Variants in AGAP1 observed in about 807,000 individuals in gnomAD.
AGAP1 encodes the protein ArfGAP with GTPase domain, ankyrin repeat and PH domain 1.
AGAP1 carries 29 observed loss-of-function variants against 105.3 expected under a neutral mutation model. The observed-to-expected ratio is 0.28, with a 90% confidence interval of 0.21 to 0.38. The LOEUF is 0.38. AGAP1 is among the 10% of genes least tolerant of loss of function. The pLI is 1.00. For missense variants in AGAP1, 998 were observed against 1,165.1 expected, an observed-to-expected ratio of 0.86 and a Z score of 2.09; for synonymous variants, 509 against 485.9, an observed-to-expected ratio of 1.05 and a Z score of -0.63.
intron 1 of AGAP1, among the ~76,000 whole-genome samples, chr2:235,643,184 G>A (rs920357904): frequency 3.9e-5 from 6 of 152,030 alleles, no homozygotes; most frequent in African/African-American, 1.4e-4. Flanking sequence ...TGTAATACCA[G>A]CACTTTGGGA....
Position 235,609,299 on chromosome 2 carries a change from G to A in AGAP1, c.164-99880G>A, listed in dbSNP as rs1165321144. On this transcript the variant is annotated intron_variant, in intron 1 of 17. Transcript: ENST00000304032. The surrounding 1 kb of genome is among the most constrained non-coding windows in gnomAD (Gnocchi z 5.1). ...ACTGGTGCTTGGAAGAGAACACAATGAAATTGAGTCCCTAGCAGGAGAAGT... is the reference window on the plus strand; with the variant it reads ...ACTGGTGCTTGGAAGAGAACACAATAAAATTGAGTCCCTAGCAGGAGAAGT... Among the ~76,000 whole-genome samples the A allele has an allele frequency of 6.6e-6, 1 of 152,140 alleles. No individual in the cohort carries two copies. The highest frequency in any genetic ancestry group is 2.1e-4 in the South Asian group (1 of 4,828).
At chr2:235,515,454 G>A (rs1229847897) in intron 1 of AGAP1, among the ~76,000 whole-genome samples, 1 of 152,152 alleles carries the variant, frequency 6.6e-6, no homozygotes, top group Non-Finnish European at 1.5e-5. Flanking sequence ...CACTGAAAAG[G>A]TTCTCTGAAA....
rs1208649864 is a variant in AGAP1 at position 235,872,002 on chromosome 2, C to T, written c.1051-11343C>T. ...GGCAAGTTACATAAGCAGTCTGTTTCAGTGTCCTTATCCATGAAATGAGAA... is the reference window on the plus strand; with the variant it reads ...GGCAAGTTACATAAGCAGTCTGTTTTAGTGTCCTTATCCATGAAATGAGAA... On this transcript the variant is annotated intron_variant, in intron 9 of 17. Transcript: ENST00000304032. This position sits in a 1 kb window ranked among gnomAD's most constrained non-coding sequence, Gnocchi z 4.5. Among the ~76,000 whole-genome samples the T allele has an allele frequency of 6.6e-6, 1 of 152,214 alleles. No individual in the cohort carries two copies. Among genetic ancestry groups the T allele is most frequent in the Non-Finnish European group, 1.5e-5 (1 of 68,038 alleles).
At chr2:235,783,594 A>G (rs12466588) in intron 6 of AGAP1, among the ~76,000 whole-genome samples, 39,275 of 152,102 alleles carry the variant, frequency 0.26, 5,429 homozygotes, top group Admixed American at 0.4. Flanking sequence ...GGACGTACCC[A>G]CAAAACATTA....
Position 235,690,287 on chromosome 2 carries a change from C to T in AGAP1, c.164-18892C>T, listed in dbSNP as rs1489234267. On this transcript the variant is annotated intron_variant, in intron 1 of 17. Coordinates refer to ENST00000304032, the MANE Select transcript of AGAP1 (RefSeq NM_001037131.3). This position sits in a 1 kb window ranked among gnomAD's most constrained non-coding sequence, Gnocchi z 4.1. ...AGGGACTCTGACCCTCCCTCCGCAC[C>T]CCACCCTTTAAAGGTGAAAGCAGCA... Among the ~76,000 whole-genome samples the T allele has an allele frequency of 2.0e-5, 3 of 152,088 alleles. No individual in the cohort carries two copies. Among genetic ancestry groups the T allele is most frequent in the African/African-American group, 7.2e-5 (3 of 41,412 alleles).
chr2:235,743,596 G>A (rs946726201), intron 4 of AGAP1, among the ~76,000 whole-genome samples: 1 of 152,090 alleles, frequency 6.6e-6, no homozygotes, highest in African/African-American at 2.4e-5. Flanking sequence ...TTTATCACTA[G>A]AACTTTGGGT....
rs2058196390 is a variant in AGAP1, at chr2:236,061,597, G to A, written c.2114+12316G>A. ...CATGATGCTAAAGGAAAGGAAGCAG[G>A]CACAGAAGGCCACACCGTGTACCAT... On this transcript the variant is annotated intron_variant, in intron 16 of 17. Coordinates refer to ENST00000304032, the MANE Select transcript of AGAP1 (RefSeq NM_001037131.3). The surrounding 1 kb of genome is among the most constrained non-coding windows in gnomAD (Gnocchi z 4.1). Among the ~76,000 whole-genome samples the A allele has an allele frequency of 6.6e-6, 1 of 152,134 alleles. No homozygotes were observed. The highest frequency in any genetic ancestry group is 1.5e-5 in the Non-Finnish European group (1 of 68,018).
At chr2:236,086,338 G>T (rs2125853590) in intron 16 of AGAP1, among the ~76,000 whole-genome samples, 1 of 152,248 alleles carries the variant, frequency 6.6e-6, no homozygotes. Context: ...GTTTTCCCAG[G>T]TTAAAAGTTA....
At chr2:236,088,579 G>A (rs901364291) in intron 16 of AGAP1, among the ~76,000 whole-genome samples, 2 of 152,206 alleles carry the variant, frequency 1.3e-5, no homozygotes, top group African/African-American at 4.8e-5. Context: ...GCTCCAGGCA[G>A]ATTCATAGAT....
chr2:235,718,259 G>C (rs1475740356), intron 3 of AGAP1: 3 of 475,908 alleles, frequency 6.3e-6, no homozygotes, highest in Non-Finnish European at 8.2e-6. Flanking sequence ...TAACGAAGGG[G>C]TGTAGTTGAC....
In AGAP1 at chr2:235,883,266, T is replaced by C; in HGVS notation, c.1051-79T>C. 2.5e-6 allele frequency: 3 copies of C among 1,201,820 alleles called. No individual in the cohort carries two copies. The highest frequency in any genetic ancestry group is 2.5e-5 in the South Asian group (2 of 79,314). 74.4% of individuals were successfully genotyped at this position (1,201,820 alleles called of 1,614,324 possible). A position where few individuals can be genotyped will look rare whatever the true frequency, so the allele number is the denominator to read the frequency against. ...GTTCTGCACACACACAGAACTTGAA[T>C]GTATATGTTGCCTGTGTACCTGCCT... On this transcript the variant is annotated intron_variant, in intron 9 of 17. Coordinates refer to ENST00000304032, the MANE Select transcript of AGAP1 (RefSeq NM_001037131.3). This position sits in a 1 kb window ranked among gnomAD's most constrained non-coding sequence, Gnocchi z 4.5.
At chr2:235,756,993 T>C (rs1244831515) in intron 6 of AGAP1, among the ~76,000 whole-genome samples, 1 of 152,144 alleles carries the variant, frequency 6.6e-6, no homozygotes, top group Non-Finnish European at 1.5e-5. Flanking sequence ...CTGAACCTTC[T>C]AGTCACTTGT....
At chr2:235,932,720 C>T (rs902720277) in intron 12 of AGAP1, among the ~76,000 whole-genome samples, 1 of 152,234 alleles carries the variant, frequency 6.6e-6, no homozygotes, top group East Asian at 1.9e-4. Context: ...TTGATAAAAA[C>T]TCACTAGGTA....
chr2:235,508,946 C>G (rs551268866), intron 1 of AGAP1, among the ~76,000 whole-genome samples: 4 of 152,198 alleles, frequency 2.6e-5, no homozygotes, highest in Non-Finnish European at 4.4e-5. Context: ...GGCGGGATGC[C>G]GAGTGTGTCG....
At chr2:236,037,223 G>A (rs1172684363) in intron 14 of AGAP1, 1 of 153,726 alleles carries the variant, frequency 6.5e-6, no homozygotes, top group East Asian at 1.9e-4. Context: ...ATAAAGCCTG[G>A]TATGTGTTTT....
intron 16 of AGAP1, among the ~76,000 whole-genome samples, chr2:236,071,475 G>T (rs1052105914): frequency 2.6e-5 from 4 of 152,120 alleles, no homozygotes; most frequent in African/African-American, 9.7e-5. Context: ...ATACAATCTG[G>T]AACATTTATT....
intron 1 of AGAP1, among the ~76,000 whole-genome samples, chr2:235,617,902 A>G (rs1219831809): frequency 1.3e-5 from 2 of 152,166 alleles, no homozygotes; most frequent in African/African-American, 4.8e-5. Flanking sequence ...TTGAATTTAA[A>G]TACATACTAA....
Position 235,740,343 on chromosome 2 carries a change from C to T in AGAP1, c.311-620C>T, listed in dbSNP as rs190626599. ...GTCTCCCGCTAACCCCGCGTGGTCT[C>T]TAACGCCTCCTGTCAGCCGCTGCTC... On this transcript the variant is annotated intron_variant, in intron 3 of 17. Coordinates refer to ENST00000304032, the MANE Select transcript of AGAP1 (RefSeq NM_001037131.3). This position sits in a 1 kb window ranked among gnomAD's most constrained non-coding sequence, Gnocchi z 5.7. Among the ~76,000 whole-genome samples, 2 of 152,290 alleles carry T rather than the reference C, an allele frequency of 1.3e-5. No homozygotes were observed. Among genetic ancestry groups the T allele is most frequent in the African/African-American group, 4.8e-5 (2 of 41,548 alleles).
intron 1 of AGAP1, among the ~76,000 whole-genome samples, chr2:235,543,466 G>A (rs1336886379): frequency 6.6e-6 from 1 of 152,200 alleles, no homozygotes; most frequent in Non-Finnish European, 1.5e-5. Context: ...AGGGGACGAA[G>A]GACATGGCAG....
Sources: allele counts gnomAD v4.1 joint callset (sites outside exome capture counted in the v4.1 genomes callset), GRCh38; gene constraint gnomAD v4.1.1; non-coding constraint Gnocchi (gnomAD v3.1); transcripts MANE v1.5; gene names NCBI Gene and HGNC (gene_info 2026-07-23, HGNC 2026-07-21).